The following SGCZ variants were observed in gnomAD, a reference collection of about 807,000 sequenced individuals.
SGCZ encodes sarcoglycan zeta.
In SGCZ, 40 loss-of-function variants were observed where a neutral mutation model predicts 41.3. The ratio of observed to expected loss-of-function variants is 0.97; its 90% CI spans 0.75 to 1.26. The LOEUF (loss-of-function observed/expected upper bound fraction) is 1.26, where lower values mean the gene tolerates loss of function less well. Ranked by LOEUF, SGCZ falls within the 50% of genes most tolerant of loss-of-function variation. The pLI, the probability that SGCZ is intolerant of heterozygous loss-of-function variation, is 0.00. For synonymous variants in SGCZ, 206 were observed against 137.5 expected (o/e 1.50, Z -3.49); for missense variants, 552 against 369.8 (o/e 1.49, Z -4.04).
At chr8:14,583,877 C>G (rs1804974650) in intron 1 of SGCZ, among the ~76,000 whole-genome samples, 1 of 151,864 alleles carries the variant, frequency 6.6e-6, no homozygotes, top group East Asian at 1.9e-4. Flanking sequence ...TTAGGTCTTT[C>G]TTATCTCAAA....
intron 1 of SGCZ, among the ~76,000 whole-genome samples, chr8:14,916,404 T>C (rs1393633700): frequency 6.6e-6 from 1 of 152,118 alleles, no homozygotes; most frequent in Admixed American, 6.5e-5. Context: ...ATAGATAGCA[T>C]GGAAGAAAGA....
At chr8:14,242,286 C>T (rs1342979933) in intron 3 of SGCZ, among the ~76,000 whole-genome samples, 3 of 152,192 alleles carry the variant, frequency 2.0e-5, no homozygotes, top group Non-Finnish European at 4.4e-5. Flanking sequence ...CAGCAACCAA[C>T]ATTTACTGGC....
At chr8:14,524,377 A>G (rs1407949292) in intron 2 of SGCZ, among the ~76,000 whole-genome samples, 1 of 151,928 alleles carries the variant, frequency 6.6e-6, no homozygotes, top group African/African-American at 2.4e-5. Flanking sequence ...CGTCCACACT[A>G]GGCTAGGTCT....
chr8:15,115,925 C>A (rs928483126), intron 1 of SGCZ, among the ~76,000 whole-genome samples: 3 of 152,148 alleles, frequency 2.0e-5, no homozygotes, highest in African/African-American at 7.2e-5. Context: ...GCTGAAGCCT[C>A]TATAATAGTT....
chr8:14,709,610 C>A (rs2117620106), intron 1 of SGCZ, among the ~76,000 whole-genome samples: 1 of 151,812 alleles, frequency 6.6e-6, no homozygotes, highest in South Asian at 2.1e-4. Flanking sequence ...TAAATTTTCA[C>A]AGTGATTTTA....
At chr8:14,882,812 G>A (rs2130726460) in intron 1 of SGCZ, among the ~76,000 whole-genome samples, 1 of 152,048 alleles carries the variant, frequency 6.6e-6, no homozygotes, top group South Asian at 2.1e-4. Context: ...ACCTGCACTA[G>A]ACCCTGTCGG....
chr8:14,707,981 T>A (rs1050661791), intron 1 of SGCZ, among the ~76,000 whole-genome samples: 7 of 152,002 alleles, frequency 4.6e-5, no homozygotes, highest in Non-Finnish European at 7.4e-5. Flanking sequence ...AACAAACATG[T>A]AGGACAAAAG....
At chr8:14,442,301 G>T (rs1033832383) in intron 2 of SGCZ, among the ~76,000 whole-genome samples, 2 of 152,076 alleles carry the variant, frequency 1.3e-5, no homozygotes, top group African/African-American at 4.8e-5. Flanking sequence ...AGATCTGATG[G>T]TTTTATAAAA....
chr8:14,673,368 G>A lies in SGCZ; in HGVS notation c.40-118442C>T, dbSNP rs768826061. The stretch of plus-strand genomic sequence containing the variant: ...CTCATGATAATGAGGGAGTTCTCAT[G>A]AGATCTGGTGGTTTTATAAGTGGCA... On this transcript the variant is annotated intron_variant, in intron 1 of 7. Coordinates refer to ENST00000382080, the MANE Select transcript of SGCZ (RefSeq NM_139167.4). Among the ~76,000 whole-genome samples, 146 of 152,280 alleles carry A rather than the reference G, an allele frequency of 9.6e-4. 3 individuals are homozygous for A. Among genetic ancestry groups the A allele is most frequent in the South Asian group, 5.2e-3 (25 of 4,824 alleles).
In SGCZ at chr8:14,676,053, C is replaced by T. The variant is rs1308728259; in HGVS notation, c.40-121127G>A. Among the ~76,000 whole-genome samples, 4 of 152,186 alleles carry T rather than the reference C, an allele frequency of 2.6e-5. No individual in the cohort carries two copies. In the East Asian group the frequency reaches 7.7e-4, roughly 29 times the overall value. On this transcript the variant is annotated intron_variant, in intron 1 of 7. Transcript: ENST00000382080. ...AAACTACTGAGACCAGGGAAGAAAA[C>T]TAGCAGAGGAATGAAGTGGGAGGAA...
At chr8:15,110,404 G>A (rs1259738337) in intron 1 of SGCZ, among the ~76,000 whole-genome samples, 1 of 152,190 alleles carries the variant, frequency 6.6e-6, no homozygotes, top group Non-Finnish European at 1.5e-5. Flanking sequence ...TAAGATCCAT[G>A]GATAGGCTGA....
At chr8:14,533,943 C>G (rs559322555) in intron 2 of SGCZ, among the ~76,000 whole-genome samples, 16 of 151,982 alleles carry the variant, frequency 1.1e-4, no homozygotes, top group Non-Finnish European at 2.1e-4. Context: ...TGAGAGCAAG[C>G]ATAATGAAGA....
At chr8:14,275,740 G>A (rs991807888) in intron 3 of SGCZ, among the ~76,000 whole-genome samples, 5 of 152,080 alleles carry the variant, frequency 3.3e-5, no homozygotes, top group Non-Finnish European at 5.9e-5. Flanking sequence ...GATCCCTACC[G>A]TGCAGGATCT....
chr8:14,898,938 A>G (rs1019093967), intron 1 of SGCZ, among the ~76,000 whole-genome samples: 11 of 152,352 alleles, frequency 7.2e-5, no homozygotes, highest in African/African-American at 2.2e-4. Context: ...TTTCAAAATC[A>G]ACAAATAAAT....
At position 14,438,432 on chromosome 8, in the gene SGCZ, T is replaced by C. The variant is rs144527472; in HGVS notation, c.235-114228A>G. On this transcript the variant is annotated intron_variant, in intron 2 of 7. Transcript: ENST00000382080. ...CCCAAATTATGATACTTATTATTAA[T>C]TTTCTAGGGAGAGAAAATTAATATT... 2.4e-3 allele frequency among the ~76,000 whole-genome samples: 368 copies of C among 152,092 alleles called. 5 individuals carry two copies. The highest frequency in any genetic ancestry group is 0.021 in the Admixed American group (320 of 15,250).
intron 1 of SGCZ, among the ~76,000 whole-genome samples, chr8:14,987,950 A>G (rs1218010904): frequency 6.6e-6 from 1 of 151,982 alleles, no homozygotes; most frequent in African/African-American, 2.4e-5. Flanking sequence ...CAAGTAATTC[A>G]CAAGTAAAAC....
intron 1 of SGCZ, among the ~76,000 whole-genome samples, chr8:14,574,972 G>C (rs761962403): frequency 2.6e-5 from 4 of 152,008 alleles, no homozygotes; most frequent in Non-Finnish European, 5.9e-5. Flanking sequence ...AAAAATAACG[G>C]TTTTCATTAA....
chr8:14,422,865 A>C (rs1333690925), intron 2 of SGCZ, among the ~76,000 whole-genome samples: 1 of 152,122 alleles, frequency 6.6e-6, no homozygotes, highest in Non-Finnish European at 1.5e-5. Context: ...CGTCTTTCTG[A>C]AAAATTTTAA....
At chr8:15,074,972 G>A (rs1010790073) in intron 1 of SGCZ, among the ~76,000 whole-genome samples, 3 of 152,110 alleles carry the variant, frequency 2.0e-5, no homozygotes, top group African/African-American at 4.8e-5. Flanking sequence ...GAATATTCAA[G>A]AGCATGAATT....
Sources: gnomAD v4.1 joint callset for allele counts (sites outside exome capture counted in the v4.1 genomes callset) on GRCh38, gnomAD v4.1.1 for gene constraint, MANE v1.5 for transcripts, NCBI Gene and HGNC (gene_info 2026-07-23, HGNC 2026-07-21) for gene names.